Variants in ZCCHC24 observed in about 807,000 individuals in gnomAD.
ZCCHC24 encodes the protein zinc finger CCHC domain-containing protein 24.
A neutral mutation model predicts 26.2 loss-of-function variants in ZCCHC24; 10 were observed. That is an observed-to-expected ratio of 0.38 (90% confidence interval 0.24 to 0.65). The LOEUF is 0.65. ZCCHC24 is among the 30% of genes least tolerant of loss of function. The pLI is 0.54. For synonymous variants in ZCCHC24, 144 were observed against 147.1 expected, an observed-to-expected ratio of 0.98 and a Z score of 0.15; for missense variants, 243 against 329.1, an observed-to-expected ratio of 0.74 and a Z score of 2.03.
intron 2 of ZCCHC24, among the ~76,000 whole-genome samples, chr10:79,413,284 T>A (rs1856815445): frequency 6.6e-6 from 1 of 152,220 alleles, no homozygotes; most frequent in African/African-American, 2.4e-5. Context: ...GTGGAGAGAC[T>A]TTTTCAAGGT....
At chr10:79,422,985 G>A (rs936199516) in intron 2 of ZCCHC24, among the ~76,000 whole-genome samples, 2 of 152,174 alleles carry the variant, frequency 1.3e-5, no homozygotes, top group African/African-American at 4.8e-5. Context: ...GTTGCCTTTG[G>A]GTTAAAAATT....
chr10:79,402,071 G>A (rs921162923), intron 2 of ZCCHC24, among the ~76,000 whole-genome samples: 2 of 152,194 alleles, frequency 1.3e-5, no homozygotes, highest in African/African-American at 2.4e-5. Flanking sequence ...ACGGACTCAC[G>A]ACCCCAGCCC....
intron 2 of ZCCHC24, 117 bp downstream of exon 2, chr10:79,432,441 G>A: frequency 9.4e-7 from 1 of 1,063,734 alleles, no homozygotes; most frequent in Non-Finnish European, 1.3e-6. Context: ...GGACCACGGG[G>A]CCACTCATTG....
At chr10:79,389,529 AGT>A (rs5786399) in intron 3 of ZCCHC24, among the ~76,000 whole-genome samples, 38,943 of 146,154 alleles carry the variant, frequency 0.27, 5,144 homozygotes, top group Middle Eastern at 0.4. Flanking sequence ...ACTTTTTCCT[AGT>A]GTGTGTGTGT....
intron 2 of ZCCHC24, among the ~76,000 whole-genome samples, chr10:79,398,347 G>C (rs1856575520): frequency 6.6e-6 from 1 of 152,200 alleles, no homozygotes; most frequent in South Asian, 2.1e-4. Context: ...TAAAGGACCT[G>C]CCTCCCGGGG....
intron 2 of ZCCHC24, among the ~76,000 whole-genome samples, chr10:79,418,012 C>T (rs981653039): frequency 6.6e-6 from 1 of 152,208 alleles, no homozygotes; most frequent in African/African-American, 2.4e-5. Flanking sequence ...ACACAGGCTC[C>T]ACCCTGGGCA....
chr10:79,394,608 G>A, intron 2 of ZCCHC24, 168 bp from the exon 3 acceptor site: 2 of 985,470 alleles, frequency 2.0e-6, no homozygotes, highest in Non-Finnish European at 2.4e-6. Flanking sequence ...GCACAGACGG[G>A]AATCCGAAGG....
intron 2 of ZCCHC24, among the ~76,000 whole-genome samples, chr10:79,420,733 A>G (rs1414316860): frequency 6.6e-6 from 1 of 152,160 alleles, no homozygotes; most frequent in African/African-American, 2.4e-5. Flanking sequence ...AGATCATGCC[A>G]CTGCACTGCA....
At chr10:79,395,079 T>C (rs1856527720) in intron 2 of ZCCHC24, among the ~76,000 whole-genome samples, 1 of 152,226 alleles carries the variant, frequency 6.6e-6, no homozygotes, top group African/African-American at 2.4e-5. Flanking sequence ...AGATTTATCT[T>C]ATTTTATTTT....
chr10:79,404,070 G>A (rs1375747148), intron 2 of ZCCHC24, among the ~76,000 whole-genome samples: 1 of 152,094 alleles, frequency 6.6e-6, no homozygotes, highest in Non-Finnish European at 1.5e-5. Context: ...CAGGAGAGGC[G>A]AGACATGATG....
chr10:79,421,387 T>C (rs1856933043), intron 2 of ZCCHC24, among the ~76,000 whole-genome samples: 1 of 151,652 alleles, frequency 6.6e-6, no homozygotes, highest in African/African-American at 2.4e-5. Flanking sequence ...CCTTCCTCAG[T>C]GGGAACACAG....
chr10:79,392,495 T>C (rs1349201963), intron 3 of ZCCHC24, among the ~76,000 whole-genome samples: 1 of 152,206 alleles, frequency 6.6e-6, no homozygotes, highest in East Asian at 1.9e-4. Context: ...CCTGTGCCGA[T>C]GGGTGAAGCA....
Position 79,415,126 on chromosome 10 carries a change from T to A in ZCCHC24, c.447+17432A>T, listed in dbSNP as rs1045802262. Among the ~76,000 whole-genome samples the A allele has an allele frequency of 5.9e-5, 9 of 152,166 alleles. No homozygotes were observed. The East Asian group carries it at 1.7e-3, about 29-fold the overall frequency. Reference sequence around the variant, plus strand: ...TAAGACACAGTGAGACACACTGAGTTGCTAGGCTCACAAAGCCAGCCCCTC... The same window carrying A: ...TAAGACACAGTGAGACACACTGAGTAGCTAGGCTCACAAAGCCAGCCCCTC... On this transcript the variant is annotated intron_variant, in intron 2 of 3. Transcript: ENST00000372336.
intron 2 of ZCCHC24, among the ~76,000 whole-genome samples, chr10:79,411,771 G>T (rs2043304932): frequency 1.3e-5 from 2 of 152,140 alleles, no homozygotes; most frequent in Admixed American, 1.3e-4. Flanking sequence ...GAGGACAGAA[G>T]AAGGGTCAGG....
chr10:79,391,429 C>T (rs1025681521), intron 3 of ZCCHC24, among the ~76,000 whole-genome samples: 22 of 152,004 alleles, frequency 1.4e-4, no homozygotes, highest in African/African-American at 4.8e-4. Context: ...GGGGCAGTAT[C>T]GGGGCAGGGG....
At chr10:79,407,864 T>C (rs748266140) in intron 2 of ZCCHC24, among the ~76,000 whole-genome samples, 2 of 151,896 alleles carry the variant, frequency 1.3e-5, no homozygotes, top group Non-Finnish European at 2.9e-5. Flanking sequence ...GAAAGGCCCA[T>C]CTCTTTAAAA....
chr10:79,387,528 T>A (rs1481743344), intron 3 of ZCCHC24, among the ~76,000 whole-genome samples: 1 of 152,190 alleles, frequency 6.6e-6, no homozygotes, highest in Non-Finnish European at 1.5e-5. Flanking sequence ...GGATTCTGCC[T>A]TCTGTTCAGC....
At chr10:79,397,866 C>T (rs11002957) in intron 2 of ZCCHC24, among the ~76,000 whole-genome samples, 44,909 of 152,052 alleles carry the variant, frequency 0.3, 7,351 homozygotes, top group African/African-American at 0.42. Flanking sequence ...TGGGGCCAGA[C>T]TGGAGGTGGA....
chr10:79,442,944 C>T (rs1857309415), intron 1 of ZCCHC24, among the ~76,000 whole-genome samples: 1 of 152,142 alleles, frequency 6.6e-6, no homozygotes, highest in South Asian at 2.1e-4. Flanking sequence ...AGGCACAGCC[C>T]TCCATCACCT....
Sources: allele counts gnomAD v4.1 joint callset (sites outside exome capture counted in the v4.1 genomes callset), GRCh38; gene constraint gnomAD v4.1.1; transcripts MANE v1.5; gene names NCBI Gene and HGNC (gene_info 2026-07-23, HGNC 2026-07-21).